Variants in DNM1 observed in about 807,000 individuals in gnomAD.
The protein encoded by DNM1 is dynamin-1.
A neutral mutation model predicts 104.6 loss-of-function variants in DNM1; 29 were observed. That is an observed-to-expected ratio of 0.28 (90% CI 0.21 to 0.38). The LOEUF (loss-of-function observed/expected upper bound fraction) is 0.38. DNM1 is among the 10% of genes least tolerant of loss of function. The pLI is 1.00. For missense variants in DNM1, 640 were observed against 1,189.4 expected, an observed-to-expected ratio of 0.54 and a Z score of 6.79; for synonymous variants, 445 against 475.8, an observed-to-expected ratio of 0.94 and a Z score of 0.84.
At chr9:128,250,032 A>C in intron 19 of DNM1, 83 bp from the exon 20 acceptor site, 1 of 1,602,324 alleles carries the variant, frequency 6.2e-7, no homozygotes. Context: ...ACACCAGCTC[A>C]CAGTCCCAGC....
rs61020870 is a variant in DNM1, at chr9:128,220,742, C to CGCGT, written c.849+402_849+403insCGTG. ...CAGAACTGAAGTGCGCGCGCGCGCGCGTGTGTGTGTGTGTGTGTGTGTGTG... is the reference window on the plus strand; with the variant it reads ...CAGAACTGAAGTGCGCGCGCGCGCGCGCGTGTGTGTGTGTGTGTGTGTGTGTGTG... On this transcript the variant is annotated intron_variant, in intron 6 of 21. Coordinates refer to ENST00000372923, the MANE Select transcript of DNM1 (RefSeq NM_004408.4). The surrounding 1 kb of genome is among the most constrained non-coding windows in gnomAD (Gnocchi z 5.2). 1.8e-4 allele frequency among the ~76,000 whole-genome samples: 25 copies of CGCGT among 136,364 alleles called. No homozygotes were observed. The highest frequency in any genetic ancestry group is 2.6e-4 in the East Asian group (1 of 3,828). 89.5% of individuals were successfully genotyped at this position (136,364 alleles called of 152,430 possible). A position where few individuals can be genotyped will look rare whatever the true frequency, so the allele number is the denominator to read the frequency against.
chr9:128,233,704 G>C lies in DNM1; in HGVS notation c.1336-317G>C, dbSNP rs1006367764. The stretch of plus-strand genomic sequence containing the variant: ...AGAGGCCTTAACCTAACCAGTCTGC[G>C]GGGCAGGCTCATTCCCATGGCCTTT... On this transcript the variant is annotated intron_variant, in intron 10 of 21. Coordinates refer to ENST00000372923, the MANE Select transcript of DNM1 (RefSeq NM_004408.4). The C allele has an allele frequency of 3.1e-5, 13 of 421,918 alleles. No individual in the cohort carries two copies. The Admixed American group carries it at 5.3e-4, about 17-fold the overall frequency. The allele number at this position is 421,918 out of a possible 1,614,324, so 26.1% of individuals were successfully genotyped here. A position where few individuals can be genotyped will look rare whatever the true frequency, so the allele number is the denominator to read the frequency against.
intron 10 of DNM1, among the ~76,000 whole-genome samples, chr9:128,227,356 A>G (rs1468996788): frequency 2.0e-5 from 3 of 147,900 alleles, no homozygotes; most frequent in Admixed American, 6.8e-5. Context: ...ATGTTGCTAC[A>G]TAAAGATTGG....
At position 128,224,397 on chromosome 9, in the gene DNM1, G is replaced by A. The variant is rs374438127; in HGVS notation, c.1335+8G>A. On this transcript the variant is annotated splice_region_variant and intron_variant, in intron 10 of 21. Coordinates refer to ENST00000372923, the MANE Select transcript of DNM1 (RefSeq NM_004408.4). This position sits in a 1 kb window ranked among gnomAD's most constrained non-coding sequence, Gnocchi z 4.3. ...AGACAGTGCACCAAGAAGGTAACCC[G>A]GAGGCCCGGGCCAGCCCCCACCGCC... 2.1e-4 allele frequency: 332 copies of A among 1,605,106 alleles called. No individual in the cohort carries two copies. The highest frequency in any genetic ancestry group is 2.5e-4 in the Non-Finnish European group (297 of 1,174,264).
At chr9:128,216,055 C>A (rs1834585672) in intron 1 of DNM1, among the ~76,000 whole-genome samples, 1 of 151,814 alleles carries the variant, frequency 6.6e-6, no homozygotes, top group African/African-American at 2.4e-5. Flanking sequence ...CTCTGTGCCG[C>A]CTGGCACACC....
At chr9:128,234,836 AGGCT>A (rs1588411870) in intron 11 of DNM1, 1 of 152,122 alleles carries the variant, frequency 6.6e-6, no homozygotes, top group East Asian at 1.9e-4. Flanking sequence ...ACTGTTGCCC[AGGCT>A]GGAGTACAGT....
intron 14 of DNM1, chr9:128,241,071 C>T (rs530370119): frequency 3.1e-4 from 48 of 152,548 alleles, no homozygotes; most frequent in Admixed American, 2.0e-3. Flanking sequence ...CTGGTGTTCT[C>T]CCCTCAGCTC....
At chr9:128,213,174 C>T (rs1834405538) in intron 1 of DNM1, among the ~76,000 whole-genome samples, 1 of 152,128 alleles carries the variant, frequency 6.6e-6, no homozygotes, top group Admixed American at 6.6e-5. Flanking sequence ...CTCCACCTCC[C>T]GGGTTCAAGC....
At chr9:128,251,067 C>G in intron 21 of DNM1, 127 bp downstream of exon 21, 1 of 711,920 alleles carries the variant, frequency 1.4e-6, no homozygotes, top group Non-Finnish European at 2.4e-6. Context: ...GGCAATCGGA[C>G]TCTGGGTGCC....
In DNM1 at chr9:128,220,934, T is replaced by TTTCTTTC. The variant is rs1214796487; in HGVS notation, c.849+595_849+596insCTTTCTT. On this transcript the variant is annotated intron_variant, in intron 6 of 21. Coordinates refer to ENST00000372923, the MANE Select transcript of DNM1 (RefSeq NM_004408.4). The surrounding 1 kb of genome is among the most constrained non-coding windows in gnomAD (Gnocchi z 5.2). ...CTTTCTTTCTTTCTTTCTTTCTTTC[T>TTTCTTTC]TTTCTTTTCTTTCTTTCTTTCCTTT... Among the ~76,000 whole-genome samples, 208 of 82,100 alleles carry TTTCTTTC rather than the reference T, an allele frequency of 2.5e-3. No individual in the cohort carries two copies. The highest frequency in any genetic ancestry group is 6.3e-3 in the Middle Eastern group (1 of 158). 53.9% of individuals were successfully genotyped at this position (82,100 alleles called of 152,430 possible).
At position 128,214,387 on chromosome 9, in the gene DNM1, A is replaced by G. The variant is rs78156728; in HGVS notation, c.162-3844A>G. On this transcript the variant is annotated intron_variant, in intron 1 of 21. Transcript: ENST00000372923. The stretch of plus-strand genomic sequence containing the variant: ...CTCCTACATGACAGCTCAGACATTC[A>G]ATGTGGGGTCCATCTGACATCAGAG... Among the ~76,000 whole-genome samples, 566 of 152,242 alleles carry G rather than the reference A, an allele frequency of 3.7e-3. 3 individuals are homozygous for G. The highest frequency in any genetic ancestry group is 7.0e-3 in the African/African-American group (289 of 41,552).
intron 1 of DNM1, among the ~76,000 whole-genome samples, chr9:128,213,874 C>A (rs544585848): frequency 6.6e-6 from 1 of 152,254 alleles, no homozygotes; most frequent in African/African-American, 2.4e-5. Context: ...AACTGCCCTG[C>A]AGTGTTCAGA....
chr9:128,214,644 T>G (rs1834498248), intron 1 of DNM1, among the ~76,000 whole-genome samples: 1 of 152,164 alleles, frequency 6.6e-6, no homozygotes, highest in Non-Finnish European at 1.5e-5. Context: ...ACAGGGAGTG[T>G]GGCATTTGGG....
At chr9:128,251,157 G>A in intron 21 of DNM1, 5 of 681,616 alleles carry the variant, frequency 7.3e-6, no homozygotes, top group Non-Finnish European at 1.3e-5. Flanking sequence ...GTCGTTTCTG[G>A]GGAGGGGGCT....
Position 128,250,833 on chromosome 9 carries a change from G to A in DNM1, c.2427G>A (p.Leu809=). Residue 809 remains leucine, a synonymous_variant, in exon 21 of 22, where the codon CTG becomes CTA. Coordinates refer to ENST00000372923, the MANE Select transcript of DNM1 (RefSeq NM_004408.4). ...APGPPPAGSA[L]GGAPPVPSRP... ...GGCCTCCGCCTGCTGGGTCCGCCCT[G>A]GGGGGGGCGCCCCCCGTGCCCTCCA... 1 of 1,303,164 alleles carries A rather than the reference G, an allele frequency of 7.7e-7. No homozygotes were observed. Among genetic ancestry groups the A allele is most frequent in the Non-Finnish European group, 9.7e-7 (1 of 1,033,542 alleles). 80.7% of individuals were successfully genotyped at this position (1,303,164 alleles called of 1,614,324 possible).
chr9:128,221,079 CTCTTTCTCTCTT>C (rs1834995053), intron 6 of DNM1: 1 of 139,238 alleles, frequency 7.2e-6, no homozygotes, highest in South Asian at 2.3e-4. Flanking sequence ...CTCTCTTTCT[CTCTTTCTCTCTT>C]TCTTTCTTTC....
chr9:128,216,025 C>T (rs1389358947), intron 1 of DNM1, among the ~76,000 whole-genome samples: 3 of 151,338 alleles, frequency 2.0e-5, no homozygotes, highest in Non-Finnish European at 4.4e-5. Flanking sequence ...AGTCCTCCCA[C>T]CCCCCAGCAA....
In DNM1 at chr9:128,248,273, A is replaced by C; in HGVS notation, c.1906-310A>C. 2.0e-6 allele frequency: 1 copy of C among 499,786 alleles called. No homozygotes were observed. The highest frequency in any genetic ancestry group is 3.6e-6 in the Non-Finnish European group (1 of 277,666). 31.0% of individuals were successfully genotyped at this position (499,786 alleles called of 1,614,324 possible). A position where few individuals can be genotyped will look rare whatever the true frequency, so the allele number is the denominator to read the frequency against. ...ACCCAGGAGGAGGTTGCAATGAGCC[A>C]ATACAGCACCACTGCACTCCAGCCT... On this transcript the variant is annotated intron_variant, in intron 18 of 21. Coordinates refer to ENST00000372923, the MANE Select transcript of DNM1 (RefSeq NM_004408.4). This position sits in a 1 kb window ranked among gnomAD's most constrained non-coding sequence, Gnocchi z 5.6.
In DNM1 at chr9:128,247,854, CTCTG is replaced by C; in HGVS notation, c.1894-68_1894-65del. On this transcript the variant is annotated intron_variant, in intron 17 of 21. Transcript: ENST00000372923. The surrounding 1 kb of genome is among the most constrained non-coding windows in gnomAD (Gnocchi z 5.1). ...TTCACTCAATCTCTCCCCTTTTCCT[CTCTG>C]TGTTTCCTTCGGCTGTGCTCCCTGG... The C allele has an allele frequency of 6.3e-7, 1 of 1,591,352 alleles. No homozygotes were observed. The highest frequency in any genetic ancestry group is 8.6e-7 in the Non-Finnish European group (1 of 1,166,208).
Sources: gnomAD v4.1 joint callset for allele counts (sites outside exome capture counted in the v4.1 genomes callset) on GRCh38, gnomAD v4.1.1 for gene constraint, Gnocchi (gnomAD v3.1) non-coding constraint, MANE v1.5 for transcripts, NCBI Gene and HGNC (gene_info 2026-07-23, HGNC 2026-07-21) for gene names.